RAB5A: variants seen among roughly 807,000 people sequenced by gnomAD.
RAB5A encodes the protein ras-related protein Rab-5A.
RAB5A carries 8 observed loss-of-function variants against 25.7 expected under a neutral mutation model. The ratio of observed to expected loss-of-function variants is 0.31; its 90% CI spans 0.18 to 0.56. The LOEUF (loss-of-function observed/expected upper bound fraction) is 0.56. Among genes scored for constraint, RAB5A ranks in the 20% least tolerant of loss-of-function variants. The probability of loss-of-function intolerance (pLI) is 0.91; values close to 1 mark genes in which losing one functional copy is unlikely to be tolerated. For synonymous variants in RAB5A, 98 were observed against 89.8 expected (o/e 1.09, Z -0.52); for missense variants, 192 against 259.7 (o/e 0.74, Z 1.79).
intron 2 of RAB5A, among the ~76,000 whole-genome samples, chr3:19,965,479 C>T (rs1470543756): frequency 5.3e-5 from 8 of 151,520 alleles, no homozygotes; most frequent in Admixed American, 5.3e-4. Context: ...GGCTGACTGT[C>T]TTATGTACTG....
rs538446389 is a variant in RAB5A at position 19,957,321 on chromosome 3, A to G, written c.163+6260A>G. 5.3e-5 allele frequency among the ~76,000 whole-genome samples: 8 copies of G among 152,264 alleles called. No individual in the cohort carries two copies. In the South Asian group the frequency reaches 1.2e-3, roughly 24 times the overall value. ...TATATTAAAGTTTTTTCCAGTAACT[A>G]CTTAATAATGTGTACTTGAAAACTG... On this transcript the variant is annotated intron_variant, in intron 2 of 5. Transcript: ENST00000273047.
chr3:19,974,411 C>G (rs1281408794), intron 2 of RAB5A, among the ~76,000 whole-genome samples: 3 of 152,020 alleles, frequency 2.0e-5, no homozygotes, highest in Non-Finnish European at 2.9e-5. Flanking sequence ...CCTCAGCCTC[C>G]CAGAGTGCTG....
At chr3:19,971,870 A>G (rs1351814231) in intron 2 of RAB5A, among the ~76,000 whole-genome samples, 1 of 152,162 alleles carries the variant, frequency 6.6e-6, no homozygotes, top group Non-Finnish European at 1.5e-5. Context: ...ATTTTTTCAC[A>G]TTTGGGAGCT....
intron 2 of RAB5A, among the ~76,000 whole-genome samples, chr3:19,973,639 TA>T (rs1356058844): frequency 1.3e-5 from 2 of 151,950 alleles, no homozygotes; most frequent in South Asian, 2.1e-4. Context: ...AATTGTTGGT[TA>T]AAAAAAAGTT....
At chr3:19,957,015 C>T (rs1038656602) in intron 2 of RAB5A, among the ~76,000 whole-genome samples, 1 of 149,730 alleles carries the variant, frequency 6.7e-6, no homozygotes, top group South Asian at 2.1e-4. Flanking sequence ...CATCAAAGCT[C>T]ACTGCAGCCT....
chr3:19,975,837 C>A, intron 3 of RAB5A, 85 bp downstream of exon 3: 1 of 1,437,668 alleles, frequency 7.0e-7, no homozygotes, highest in Non-Finnish European at 9.4e-7. Flanking sequence ...TTTGGAAAAT[C>A]TTTTTCTGAT....
chr3:19,951,485 A>G (rs1322893542), intron 2 of RAB5A, among the ~76,000 whole-genome samples: 3 of 152,192 alleles, frequency 2.0e-5, no homozygotes, highest in Non-Finnish European at 4.4e-5. Context: ...AAATAATTAT[A>G]CTTACTTGTA....
At chr3:19,973,511 T>C (rs1696781093) in intron 2 of RAB5A, among the ~76,000 whole-genome samples, 1 of 152,146 alleles carries the variant, frequency 6.6e-6, no homozygotes, top group African/African-American at 2.4e-5. Flanking sequence ...AAAATTTTAG[T>C]TTAAAAACAT....
chr3:19,950,989 G>A lies in RAB5A; in HGVS notation c.91G>A (p.Val31Ile). The part of the protein sequence containing the change: ...FKLVLLGESA[V>I]GKSSLVLRFV... ...ACTAGTACTTCTGGGAGAGTCCGCT[G>A]TTGGCAAATCAAGCCTAGTGCTTCG... The change falls in exon 2 of 6, where the codon GTT (valine) becomes ATT (isoleucine). Residue 31 changes from valine to isoleucine, a missense_variant. By Grantham distance (29) the Val-to-Ile change is conservative. Transcript: ENST00000273047. 1 of 1,614,120 alleles carries A rather than the reference G, an allele frequency of 6.2e-7. No homozygotes were observed. Among genetic ancestry groups the A allele is most frequent in the Non-Finnish European group, 8.5e-7 (1 of 1,179,996 alleles).
intron 2 of RAB5A, among the ~76,000 whole-genome samples, chr3:19,951,701 G>GTTTTTTTTTTGTTTTT (rs1696425539): frequency 4.0e-5 from 4 of 99,012 alleles, no homozygotes; most frequent in Non-Finnish European, 8.0e-5. Context: ...TGCCAGGCAA[G>GTTTTTTTTTTGTTTTT]TTTTTTTTTT....
At position 19,962,524 on chromosome 3, in the gene RAB5A, G is replaced by A. The variant is rs1331379741; in HGVS notation, c.163+11463G>A. Among the ~76,000 whole-genome samples the A allele has an allele frequency of 9.2e-5, 14 of 152,092 alleles. 1 individual carries two copies. ...GTGGAGGTTGTGGTAAGCTGAGATTGCACCACTGCATTTCAGCCTGGGCAA... is the reference window on the plus strand; with the variant it reads ...GTGGAGGTTGTGGTAAGCTGAGATTACACCACTGCATTTCAGCCTGGGCAA... On this transcript the variant is annotated intron_variant, in intron 2 of 5. Coordinates refer to ENST00000273047, the MANE Select transcript of RAB5A (RefSeq NM_004162.5).
chr3:19,960,638 T>C (rs924119858), intron 2 of RAB5A, among the ~76,000 whole-genome samples: 4 of 152,226 alleles, frequency 2.6e-5, no homozygotes, highest in African/African-American at 9.6e-5. Flanking sequence ...TACCTTGATG[T>C]ATATGTAAAC....
intron 5 of RAB5A, among the ~76,000 whole-genome samples, chr3:19,980,721 A>G (rs980373676): frequency 7.9e-5 from 12 of 152,146 alleles, no homozygotes; most frequent in South Asian, 4.1e-4. Flanking sequence ...AGTGTTCAAC[A>G]TTTCTGGGGC....
At chr3:19,948,375 T>G (rs1161719621) in intron 1 of RAB5A, among the ~76,000 whole-genome samples, 1 of 152,230 alleles carries the variant, frequency 6.6e-6, no homozygotes, top group Non-Finnish European at 1.5e-5. Flanking sequence ...ACTTTATTCC[T>G]AAAGTAAAAT....
Position 19,955,776 on chromosome 3 carries a change from A to G in RAB5A, c.163+4715A>G, listed in dbSNP as rs550116463. ...CATGGTGGCGTGCGCCTGTAGTCCC[A>G]GCTACTTGGGAGGCTGAGGCAGGAG... On this transcript the variant is annotated intron_variant, in intron 2 of 5. Coordinates refer to ENST00000273047, the MANE Select transcript of RAB5A (RefSeq NM_004162.5). Among the ~76,000 whole-genome samples, 6 of 152,204 alleles carry G rather than the reference A, an allele frequency of 3.9e-5. No homozygotes were observed. The South Asian group carries it at 1.2e-3, about 32-fold the overall frequency.
At chr3:19,977,706 C>G (rs1696848181) in intron 4 of RAB5A, among the ~76,000 whole-genome samples, 1 of 152,146 alleles carries the variant, frequency 6.6e-6, no homozygotes, top group Non-Finnish European at 1.5e-5. Flanking sequence ...TCAGTTGTTT[C>G]TTTGTCCAAT....
At chr3:19,959,734 G>A (rs1310343909) in intron 2 of RAB5A, among the ~76,000 whole-genome samples, 2 of 149,934 alleles carry the variant, frequency 1.3e-5, no homozygotes, top group Admixed American at 6.7e-5. Flanking sequence ...TCAAGCAGTC[G>A]TCTCACCTCA....
At chr3:19,977,369 C>T (rs1055600704) in intron 4 of RAB5A, among the ~76,000 whole-genome samples, 2 of 152,182 alleles carry the variant, frequency 1.3e-5, no homozygotes, top group East Asian at 1.9e-4. Context: ...CCACCACGCC[C>T]GGCATACTTA....
chr3:19,953,866 G>A (rs370439534), intron 2 of RAB5A, among the ~76,000 whole-genome samples: 2 of 152,210 alleles, frequency 1.3e-5, no homozygotes, highest in African/African-American at 4.8e-5. Flanking sequence ...TAGAGTAGAT[G>A]TAAAGCATTT....
Sources: allele counts gnomAD v4.1 joint callset (sites outside exome capture counted in the v4.1 genomes callset), GRCh38; gene constraint gnomAD v4.1.1; transcripts MANE v1.5; gene names NCBI Gene and HGNC (gene_info 2026-07-23, HGNC 2026-07-21).